Variants in NLRP7 observed in about 807,000 individuals in gnomAD.
The protein encoded by NLRP7 is NLR family pyrin domain containing 7.
In NLRP7, 72 loss-of-function variants were observed where a neutral mutation model predicts 85.5. The ratio of observed to expected loss-of-function variants is 0.84; its 90% confidence interval spans 0.70 to 1.02. The LOEUF (loss-of-function observed/expected upper bound fraction) is 1.02. Among genes scored for constraint, NLRP7 ranks in the 50% least tolerant of loss-of-function variants. The pLI is 0.00. For missense variants in NLRP7, 1,243 were observed against 1,219.5 expected (o/e 1.02, Z -0.29); for synonymous variants, 550 against 505.2 (o/e 1.09, Z -1.19).
At position 54,937,167 on chromosome 19, in the gene NLRP7, G is replaced by A. The variant is rs560850663; in HGVS notation, c.2130-736C>T. Among the ~76,000 whole-genome samples the A allele has an allele frequency of 6.6e-5, 10 of 150,872 alleles. No homozygotes were observed. The East Asian group carries it at 7.8e-4, about 12-fold the overall frequency. Reference sequence around the variant, plus strand: ...CGGGAGGCAGGGCTTGCAGTGAGCCGAGATTGCTGCACTGCACTCCAGCCT... The same window carrying A: ...CGGGAGGCAGGGCTTGCAGTGAGCCAAGATTGCTGCACTGCACTCCAGCCT... On this transcript the variant is annotated intron_variant, in intron 5 of 9. Coordinates refer to ENST00000340844, the Ensembl canonical transcript of NLRP7.
chr19:54,925,878 T>C (rs2068411200), intron 9 of NLRP7, among the ~76,000 whole-genome samples: 1 of 151,720 alleles, frequency 6.6e-6, no homozygotes, highest in Admixed American at 6.6e-5. Flanking sequence ...CGGGCGCCTG[T>C]AGTCCCAGCT....
upstream of NLRP7, among the ~76,000 whole-genome samples, chr19:54,950,784 GA>G (rs1395845953): frequency 6.6e-6 from 1 of 152,128 alleles, no homozygotes; most frequent in Non-Finnish European, 1.5e-5. Context: ...CAACTGCAAA[GA>G]GGTGTTCCTT....
chr19:54,939,735 C>G, exon 4 of NLRP7: 2 of 1,613,510 alleles, frequency 1.2e-6, no homozygotes, highest in Non-Finnish European at 1.7e-6. Context: ...ACCGCGGGGG[C>G]CGAGCCCAGC....
At chr19:54,928,917 C>T (rs1298299947) in intron 9 of NLRP7, among the ~76,000 whole-genome samples, 2 of 151,906 alleles carry the variant, frequency 1.3e-5, no homozygotes, top group Non-Finnish European at 2.9e-5. Context: ...ATTCTCCTGC[C>T]CCAGCCTCCC....
rs547196253 is a variant in NLRP7 at position 54,930,064 on chromosome 19, G to A, written c.2810+435C>T. Among the ~76,000 whole-genome samples, 776 of 146,422 alleles carry A rather than the reference G, an allele frequency of 5.3e-3. 11 individuals carry two copies. Among genetic ancestry groups the A allele is most frequent in the African/African-American group, 0.018 (727 of 39,558 alleles). ...CGGGAGGAAGAGGTTGCAGTAAGCC[G>A]AGATCGCGCCACTGCACTCCAGCCT... On this transcript the variant is annotated intron_variant, in intron 9 of 9. Coordinates refer to ENST00000340844, the Ensembl canonical transcript of NLRP7.
At chr19:54,927,754 C>T (rs939239313) in intron 9 of NLRP7, 3 of 1,614,064 alleles carry the variant, frequency 1.9e-6, no homozygotes, top group Non-Finnish European at 2.5e-6. Context: ...AATAGAAAGG[C>T]ATGAGGGAGC....
In NLRP7 at chr19:54,923,704, G is replaced by A. The variant is rs201252011; in HGVS notation, c.*36C>T. 2.1e-5 allele frequency: 34 copies of A among 1,610,906 alleles called. No homozygotes were observed. In the Admixed American group the frequency reaches 2.2e-4, roughly 10 times the overall value. On this transcript the variant is annotated 3_prime_UTR_variant, in exon 10 of 10. Coordinates refer to ENST00000340844, the Ensembl canonical transcript of NLRP7. ...AAGACATCTTAGAGACCCGAATCCC[G>A]CTTCCTGTGTAATTCGTAGAGCGAT...
chr19:54,952,103 T>G (rs557071189), upstream of NLRP7, among the ~76,000 whole-genome samples: 1 of 152,212 alleles, frequency 6.6e-6, no homozygotes, highest in Non-Finnish European at 1.5e-5. Flanking sequence ...CTCTGGGACA[T>G]TAGAATTATA....
chr19:54,959,109 C>T (rs958780441), intron 1 of NLRP7, among the ~76,000 whole-genome samples: 2 of 150,758 alleles, frequency 1.3e-5, no homozygotes, highest in Non-Finnish European at 1.5e-5. Context: ...GGCTACCTGC[C>T]TTTGGTTTCA....
chr19:54,958,186 A>C (rs1473216907), intron 1 of NLRP7, among the ~76,000 whole-genome samples: 1 of 152,010 alleles, frequency 6.6e-6, no homozygotes, highest in Non-Finnish European at 1.5e-5. Context: ...TATGGGTCTC[A>C]GGTGAAAGAA....
In NLRP7 at chr19:54,938,257, C is replaced by G. The variant is rs181132927; in HGVS notation, c.1932-16G>C. The G allele has an allele frequency of 9.3e-6, 15 of 1,610,660 alleles. No homozygotes were observed. Among genetic ancestry groups the G allele is most frequent in the Middle Eastern group, 1.7e-4 (1 of 6,030 alleles). ...GTAAGTGCACCTGCAGGAGAACACA[C>G]GTTCATCTCTTAGGACTAGTACCTG... On this transcript the variant is annotated splice_polypyrimidine_tract_variant and intron_variant, in intron 4 of 9. Coordinates refer to ENST00000340844, the Ensembl canonical transcript of NLRP7.
chr19:54,958,690 C>T (rs1402033248), intron 1 of NLRP7, among the ~76,000 whole-genome samples: 5 of 151,952 alleles, frequency 3.3e-5, no homozygotes, highest in South Asian at 2.1e-4. Context: ...CAGTGGCTCA[C>T]GCCTGTAATC....
intron 1 of NLRP7, 82 bp downstream of exon 1, chr19:54,947,387 G>A: frequency 9.7e-7 from 1 of 1,031,988 alleles, no homozygotes; most frequent in Non-Finnish European, 1.3e-6. Context: ...GGCTTGGGAA[G>A]GGCTATGGTG....
At chr19:54,956,044 G>T (rs2069840206) in intron 1 of NLRP7, among the ~76,000 whole-genome samples, 1 of 152,008 alleles carries the variant, frequency 6.6e-6, no homozygotes, top group South Asian at 2.1e-4. Context: ...GGAGGCCAAG[G>T]CAGGAGGATC....
In NLRP7 at chr19:54,938,294, G is replaced by A. The variant is rs185573931; in HGVS notation, c.1932-53C>T. On this transcript the variant is annotated intron_variant, in intron 4 of 9. Transcript: ENST00000340844. Reference sequence around the variant, plus strand: ...AGGACTAGTACCTGCATGGTGAGATGGGCATCTGCAAACCACATTTCAATG... The same window carrying A: ...AGGACTAGTACCTGCATGGTGAGATAGGCATCTGCAAACCACATTTCAATG... 2.5e-4 allele frequency: 362 copies of A among 1,455,068 alleles called. No homozygotes were observed. The African/African-American group carries it at 4.4e-3, about 18-fold the overall frequency. 90.1% of individuals were successfully genotyped at this position (1,455,068 alleles called of 1,614,324 possible). A position where few individuals can be genotyped will look rare whatever the true frequency, so the allele number is the denominator to read the frequency against.
At chr19:54,948,356 C>G (rs2069561241), upstream of NLRP7, among the ~76,000 whole-genome samples, 2 of 151,972 alleles carry the variant, frequency 1.3e-5, no homozygotes, top group African/African-American at 4.8e-5. Context: ...TGCACTCCAG[C>G]CTGGGTGACA....
At chr19:54,924,671 C>G (rs891079438) in intron 9 of NLRP7, among the ~76,000 whole-genome samples, 5 of 152,194 alleles carry the variant, frequency 3.3e-5, no homozygotes, top group Admixed American at 6.5e-5. Context: ...CACGGTGACT[C>G]ACGCCTATAA....
intron 9 of NLRP7, among the ~76,000 whole-genome samples, chr19:54,926,980 C>T (rs971630121): frequency 6.6e-6 from 1 of 150,452 alleles, no homozygotes; most frequent in African/African-American, 2.5e-5. Flanking sequence ...ATCCCAGCTA[C>T]TCAGGAGGTT....
intron 1 of NLRP7, among the ~76,000 whole-genome samples, chr19:54,947,048 G>A (rs944191449): frequency 2.0e-5 from 3 of 152,102 alleles, no homozygotes; most frequent in Non-Finnish European, 2.9e-5. Context: ...CATTAGGCCA[G>A]GCGTGGTGGC....
Sources: gnomAD v4.1 joint callset for allele counts (sites outside exome capture counted in the v4.1 genomes callset) on GRCh38, gnomAD v4.1.1 for gene constraint, MANE v1.5 for transcripts, NCBI Gene and HGNC (gene_info 2026-07-23, HGNC 2026-07-21) for gene names.